TMEM120B: variants seen among roughly 807,000 people sequenced by gnomAD.
TMEM120B encodes the protein transmembrane protein 120B.
A neutral mutation model predicts 55.5 loss-of-function variants in TMEM120B; 31 were observed. The observed-to-expected ratio is 0.56, with a 90% CI of 0.42 to 0.75. The LOEUF (loss-of-function observed/expected upper bound fraction) is 0.75. Among genes scored for constraint, TMEM120B ranks in the 30% least tolerant of loss-of-function variants. The pLI is 0.00. For missense variants in TMEM120B, 399 were observed against 425.5 expected, an observed-to-expected ratio of 0.94 and a Z score of 0.55; for synonymous variants, 203 against 176.3, an observed-to-expected ratio of 1.15 and a Z score of -1.20.
chr12:121,748,253 G>C, intron 2 of TMEM120B, 73 bp from the exon 3 acceptor site: 2 of 1,186,786 alleles, frequency 1.7e-6, no homozygotes, highest in Non-Finnish European at 2.5e-6. Context: ...TGGGAGGCTG[G>C]GGCCCGGGGA....
chr12:121,732,803 C>A (rs1169688169), intron 1 of TMEM120B, among the ~76,000 whole-genome samples: 1 of 151,986 alleles, frequency 6.6e-6, no homozygotes, highest in African/African-American at 2.4e-5. Context: ...CATGGTGAAA[C>A]CCTGTCTCTA....
rs1376717789 is a variant in TMEM120B, at chr12:121,780,717, C to T, written c.*4995C>T. 2 of 856,346 alleles carry T rather than the reference C, an allele frequency of 2.3e-6. No individual in the cohort carries two copies. Among genetic ancestry groups the T allele is most frequent in the East Asian group, 5.4e-5 (2 of 37,342 alleles). 53.0% of individuals were successfully genotyped at this position (856,346 alleles called of 1,614,324 possible). A position where few individuals can be genotyped will look rare whatever the true frequency, so the allele number is the denominator to read the frequency against. On this transcript the variant is annotated 3_prime_UTR_variant, in exon 12 of 12. Transcript: ENST00000449592. ...GAGTAGTCGTGTAAAGTGCTCAGGTCCACAGGCCATCAATACTAATAGTTA... is the reference window on the plus strand; with the variant it reads ...GAGTAGTCGTGTAAAGTGCTCAGGTTCACAGGCCATCAATACTAATAGTTA...
intron 1 of TMEM120B, among the ~76,000 whole-genome samples, chr12:121,720,069 A>G (rs567455900): frequency 7.9e-5 from 12 of 152,224 alleles, no homozygotes; most frequent in Admixed American, 7.2e-4. Flanking sequence ...CTCATCTCCT[A>G]GCTCTTTCAC....
At position 121,743,672 on chromosome 12, in the gene TMEM120B, C is replaced by A; in HGVS notation, c.113C>A (p.Ala38Glu). 1.2e-6 allele frequency: 2 copies of A among 1,613,530 alleles called. No homozygotes were observed. The highest frequency in any genetic ancestry group is 1.7e-6 in the Non-Finnish European group (2 of 1,179,948). ...IYKQKLEELAALQTLCSSSIS... is the reference protein window; with the variant it reads ...IYKQKLEELAELQTLCSSSIS... The stretch of plus-strand genomic sequence containing the variant: ...AAGCAGAAGCTGGAGGAGCTGGCTG[C>A]GCTGCAGACGCTGTGTAGCAGTTCC... Residue 38 changes from alanine (A) to glutamate (E), a missense_variant, in exon 2 of 12, where the codon GCG becomes GAG. Physicochemically the swap from Ala to Glu is moderately radical, Grantham distance 107. Around this residue, in one of 3 missense-constraint regions of TMEM120B, gnomAD observed 133 missense variants for 104.1 expected, o/e 1.28. Coordinates refer to ENST00000449592, the MANE Select transcript of TMEM120B (RefSeq NM_001080825.2).
At chr12:121,757,137 CG>C (rs1310445253) in intron 5 of TMEM120B, among the ~76,000 whole-genome samples, 1 of 67,660 alleles carries the variant, frequency 1.5e-5, no homozygotes, top group Non-Finnish European at 3.1e-5. Flanking sequence ...CCTCCCTGGG[CG>C]GTGGGGGGGG....
chr12:121,712,837 G>C lies in TMEM120B; in HGVS notation c.-59G>C. On this transcript the variant is annotated 5_prime_UTR_variant, in exon 1 of 12. Coordinates refer to ENST00000449592, the MANE Select transcript of TMEM120B (RefSeq NM_001080825.2). Reference sequence around the variant, plus strand: ...GCGCGCGGGCGTGGGGCGCTGGGGGGCCGGTCGGGCAGCGCTGCGGGAGCA... The same window carrying C: ...GCGCGCGGGCGTGGGGCGCTGGGGGCCCGGTCGGGCAGCGCTGCGGGAGCA... 1 of 1,284,380 alleles carries C rather than the reference G, an allele frequency of 7.8e-7. No homozygotes were observed. Among genetic ancestry groups the C allele is most frequent in the Non-Finnish European group, 1.0e-6 (1 of 994,472 alleles). 79.6% of individuals were successfully genotyped at this position (1,284,380 alleles called of 1,614,324 possible). A position where few individuals can be genotyped will look rare whatever the true frequency, so the allele number is the denominator to read the frequency against.
intron 8 of TMEM120B, among the ~76,000 whole-genome samples, chr12:121,772,351 A>G (rs1045127951): frequency 6.6e-6 from 1 of 151,744 alleles, no homozygotes; most frequent in African/African-American, 2.4e-5. Context: ...GGTGGTCTGG[A>G]ACTCCTGACC....
intron 1 of TMEM120B, among the ~76,000 whole-genome samples, chr12:121,714,868 C>T (rs1184185902): frequency 3.3e-5 from 5 of 152,024 alleles, no homozygotes; most frequent in Non-Finnish European, 7.3e-5. Flanking sequence ...TCCTCAGCCA[C>T]TTCTTAATGC....
rs1390671388 is a variant in TMEM120B, at chr12:121,770,959, G to C, written c.604G>C (p.Val202Leu). The change falls in exon 7 of 12, where the codon GTG becomes CTG. Residue 202 changes from valine to leucine, a missense_variant. By Grantham distance (32) the Val-to-Leu change is conservative. Around this residue, in one of 3 missense-constraint regions of TMEM120B, gnomAD observed 260 missense variants for 303.9 expected, o/e 0.86. Transcript: ENST00000449592. The part of the protein sequence containing the change: ...HHYVSTFLSG[V>L]MLTWPNGPIY... ...CTACGTCTCCACATTCCTGTCCGGA[G>C]TGATGCTGACCTGGTGAGTAGCCCC... 2 of 1,613,966 alleles carry C rather than the reference G, an allele frequency of 1.2e-6. No individual in the cohort carries two copies. Among genetic ancestry groups the C allele is most frequent in the African/African-American group, 2.7e-5 (2 of 74,938 alleles).
At chr12:121,741,246 G>A (rs1014868140) in intron 1 of TMEM120B, among the ~76,000 whole-genome samples, 1 of 152,158 alleles carries the variant, frequency 6.6e-6, no homozygotes, top group African/African-American at 2.4e-5. Flanking sequence ...CAGCATGATG[G>A]AACAGCTAGT....
chr12:121,750,545 CACACCA>C, intron 4 of TMEM120B, 106 bp downstream of exon 4: 4 of 825,130 alleles, frequency 4.8e-6, no homozygotes, highest in South Asian at 1.5e-5. Context: ...CATCCACACC[CACACCA>C]ACACCCCACA....
intron 1 of TMEM120B, 37 bp from the exon 2 acceptor site, chr12:121,743,592 C>T: frequency 2.0e-6 from 3 of 1,494,106 alleles, no homozygotes; most frequent in South Asian, 1.1e-5. Flanking sequence ...TGTTCATATT[C>T]TCCCACACAC....
intron 6 of TMEM120B, among the ~76,000 whole-genome samples, chr12:121,766,844 T>C (rs1233715790): frequency 6.6e-6 from 1 of 152,096 alleles, no homozygotes; most frequent in East Asian, 1.9e-4. Flanking sequence ...TCGGTGATCA[T>C]GTTTGGTTTT....
In TMEM120B at chr12:121,715,373, G is replaced by A. The variant is rs142690992; in HGVS notation, c.69+2409G>A. Among the ~76,000 whole-genome samples the A allele has an allele frequency of 3.4e-3, 513 of 152,298 alleles. 2 individuals are homozygous for A. The highest frequency in any genetic ancestry group is 6.8e-3 in the Middle Eastern group (2 of 294). On this transcript the variant is annotated intron_variant, in intron 1 of 11. Coordinates refer to ENST00000449592, the MANE Select transcript of TMEM120B (RefSeq NM_001080825.2). ...CAAAAAACAGCAACAACACTTAAGA[G>A]CTGTGCAATTAATGCAATTAACAGC...
chr12:121,717,469 A>G (rs1336024552), intron 1 of TMEM120B, among the ~76,000 whole-genome samples: 1 of 152,166 alleles, frequency 6.6e-6, no homozygotes, highest in African/African-American at 2.4e-5. Flanking sequence ...AATTGATCCT[A>G]GAATCTCTGT....
At chr12:121,768,118 C>A (rs1317687879) in intron 6 of TMEM120B, among the ~76,000 whole-genome samples, 1 of 152,134 alleles carries the variant, frequency 6.6e-6, no homozygotes, top group Non-Finnish European at 1.5e-5. Context: ...ACAGGCGAGA[C>A]TAGGATACAT....
At chr12:121,719,454 C>T (rs985061638) in intron 1 of TMEM120B, among the ~76,000 whole-genome samples, 7 of 152,086 alleles carry the variant, frequency 4.6e-5, no homozygotes, top group Admixed American at 1.3e-4. Flanking sequence ...GGCATGGTGG[C>T]GTGCACCCAT....
rs1894624290 is a variant in TMEM120B, at chr12:121,712,823, T to C, written c.-73T>C. 4.2e-6 allele frequency: 5 copies of C among 1,186,380 alleles called. No individual in the cohort carries two copies. The highest frequency in any genetic ancestry group is 5.4e-6 in the Non-Finnish European group (5 of 918,354). The allele number at this position is 1,186,380 out of a possible 1,614,324, so 73.5% of individuals were successfully genotyped here. On this transcript the variant is annotated 5_prime_UTR_variant, in exon 1 of 12. Coordinates refer to ENST00000449592, the MANE Select transcript of TMEM120B (RefSeq NM_001080825.2). ...AGGGCGGTCGGCGAGCGCGCGGGCGTGGGGCGCTGGGGGGCCGGTCGGGCA... is the reference window on the plus strand; with the variant it reads ...AGGGCGGTCGGCGAGCGCGCGGGCGCGGGGCGCTGGGGGGCCGGTCGGGCA...
At chr12:121,773,790 T>C (rs2137407388) in intron 9 of TMEM120B, among the ~76,000 whole-genome samples, 1 of 102,328 alleles carries the variant, frequency 9.8e-6, no homozygotes, top group South Asian at 3.1e-4. Flanking sequence ...ATTAGCCATT[T>C]GTGTGTAACA....
Sources: allele counts gnomAD v4.1 joint callset (sites outside exome capture counted in the v4.1 genomes callset), GRCh38; gene constraint gnomAD v4.1.1; regional missense constraint gnomAD v4.1.1; transcripts MANE v1.5; gene names NCBI Gene and HGNC (gene_info 2026-07-23, HGNC 2026-07-21).